Variants in MTOR observed in about 807,000 individuals in gnomAD.
MTOR encodes the protein serine/threonine-protein kinase mTOR.
In MTOR, 70 loss-of-function variants were observed where a neutral mutation model predicts 319.8. The ratio of observed to expected loss-of-function variants is 0.22; its 90% CI spans 0.18 to 0.27. The LOEUF (loss-of-function observed/expected upper bound fraction) is 0.27, where lower values mean the gene tolerates loss of function less well. Among genes scored for constraint, MTOR ranks in the 10% least tolerant of loss-of-function variants. The probability of loss-of-function intolerance (pLI) is 1.00; values close to 1 mark genes in which losing one functional copy is unlikely to be tolerated. For missense variants in MTOR, 1,890 were observed against 3,274.4 expected (o/e 0.58, Z 10.32); for synonymous variants, 1,183 against 1,211.4 (o/e 0.98, Z 0.49).
chr1:11,146,889 G>T, intron 31 of MTOR, 98 bp from the exon 32 acceptor site: 1 of 820,712 alleles, frequency 1.2e-6, no homozygotes, highest in Non-Finnish European at 2.1e-6. Context: ...TTTTCCTTTA[G>T]CTTGGGATAT....
intron 19 of MTOR, among the ~76,000 whole-genome samples, chr1:11,216,623 T>G (rs1646479165): frequency 6.9e-6 from 1 of 144,168 alleles, no homozygotes. Context: ...CTCTACAGAG[T>G]GCAGGGTGAC....
rs150146024 is a variant in MTOR at position 11,248,003 on chromosome 1, C to T, written c.932G>A (p.Arg311His). ...KDLMGFGTKP[R>H]HITPFTSFQA... ...GAAACTGGTGAAGGGGGTAATGTGA[C>T]GAGGTTTTGTTCCGAAGCCCATGAG... The change falls in exon 7 of 58, where the codon CGT (arginine) becomes CAT (histidine). Residue 311 changes from arginine (R) to histidine (H), a missense_variant. Around this residue, in one of 15 missense-constraint regions of MTOR, gnomAD observed 418 missense variants for 543.1 expected, o/e 0.77. Transcript: ENST00000361445. 4 of 1,614,118 alleles carry T rather than the reference C, an allele frequency of 2.5e-6. No individual in the cohort carries two copies. In the South Asian group the frequency reaches 3.3e-5, roughly 13 times the overall value.
In MTOR at chr1:11,121,724, T is replaced by C. The variant is rs1415951682; in HGVS notation, c.6810+255A>G. Among the ~76,000 whole-genome samples the C allele has an allele frequency of 6.6e-6, 1 of 152,236 alleles. No individual in the cohort carries two copies. The highest frequency in any genetic ancestry group is 1.5e-5 in the Non-Finnish European group (1 of 68,040). ...CCATATGGCCAGTGCTTTGTATACA[T>C]TAGTAAATATATGGTGCCGAATATT... On this transcript the variant is annotated intron_variant, in intron 48 of 57. Coordinates refer to ENST00000361445, the MANE Select transcript of MTOR (RefSeq NM_004958.4). The surrounding 1 kb of genome is among the most constrained non-coding windows in gnomAD (Gnocchi z 4.9).
intron 34 of MTOR, among the ~76,000 whole-genome samples, chr1:11,141,685 TAA>T (rs1300725496): frequency 3.0e-5 from 4 of 132,994 alleles, no homozygotes; most frequent in Admixed American, 1.5e-4. Flanking sequence ...TCTTTATAAT[TAA>T]AAAAAAAAAA....
At chr1:11,219,178 C>A (rs143754961) in intron 19 of MTOR, among the ~76,000 whole-genome samples, 1 of 151,338 alleles carries the variant, frequency 6.6e-6, no homozygotes, top group African/African-American at 2.4e-5. Flanking sequence ...CATGTCACTG[C>A]GCTCCAGCCT....
chr1:11,126,013 C>T (rs545227358), intron 46 of MTOR, among the ~76,000 whole-genome samples: 49 of 145,618 alleles, frequency 3.4e-4, no homozygotes, highest in Non-Finnish European at 6.6e-4. Flanking sequence ...TATACTCCAG[C>T]CTGGGCAACA....
rs746679087 is a variant in MTOR, at chr1:11,230,915, C to A, written c.2779+10G>T. ...ACTTGGCAAGTCTTTCATGGCTACC[C>A]CCAACTTACAGGAATCCTGACTTGA... On this transcript the variant is annotated intron_variant, in intron 18 of 57. Transcript: ENST00000361445. The A allele has an allele frequency of 3.1e-6, 5 of 1,613,372 alleles. No individual in the cohort carries two copies.
chr1:11,207,969 T>C (rs760710640), intron 25 of MTOR, among the ~76,000 whole-genome samples: 12 of 152,186 alleles, frequency 7.9e-5, no homozygotes, highest in African/African-American at 1.7e-4. Flanking sequence ...CAAAACTTCC[T>C]GGAAGCAAAC....
At chr1:11,213,593 C>A in intron 20 of MTOR, 27 bp from the exon 21 acceptor site, 2 of 1,607,868 alleles carry the variant, frequency 1.2e-6, no homozygotes, top group Non-Finnish European at 1.7e-6. Context: ...GTCAGAGGAG[C>A]TGAGTCAGGT....
chr1:11,149,605 G>A (rs1355140004), intron 31 of MTOR: 3 of 153,010 alleles, frequency 2.0e-5, no homozygotes, highest in African/African-American at 4.8e-5. Context: ...ACCTGAGGAG[G>A]AGGGTTATGG....
rs146049556 is a variant in MTOR at position 11,238,521 on chromosome 1, C to T, written c.1883G>A (p.Arg628His). ...IRMEAARTCS[R>H]LLTPSIHLIS... ...GAGGTGGATGGAGGGTGTGAGCAGG[C>T]GGGAGCAGGTGCGGGCAGCCTCCAT... The change falls in exon 12 of 58, where the codon CGC becomes CAC. Residue 628 changes from arginine (R) to histidine (H), a missense_variant. Physicochemically the swap from Arg to His is conservative, Grantham distance 29 (BLOSUM62 0). This residue lies in a region of MTOR where 418 missense variants were observed against 543.1 expected (regional missense o/e 0.77). Coordinates refer to ENST00000361445, the MANE Select transcript of MTOR (RefSeq NM_004958.4). The T allele has an allele frequency of 4.3e-6, 7 of 1,614,028 alleles. No homozygotes were observed. The highest frequency in any genetic ancestry group is 1.3e-5 in the African/African-American group (1 of 74,926).
intron 19 of MTOR, chr1:11,226,297 GAGA>G (rs1354487229): frequency 6.6e-6 from 1 of 152,042 alleles, no homozygotes; most frequent in African/African-American, 2.4e-5. Flanking sequence ...GAACAATCTA[GAGA>G]AGATTAGCAT....
Position 11,167,463 on chromosome 1 carries a change from G to C in MTOR, c.4308C>G (p.Ala1436=). Reference sequence around the variant, plus strand: ...TTACCAGCTCTCCAAAGTGTTTCATGGCATATTCTAACACTCCGGCCGCTG... The same window carrying C: ...TTACCAGCTCTCCAAAGTGTTTCATCGCATATTCTAACACTCCGGCCGCTG... The part of the protein sequence containing the change: ...PEAAAGVLEY[A]MKHFGELEIQ... The change falls in exon 29 of 58, where the codon GCC becomes GCG. Residue 1436 remains alanine (A), a synonymous_variant. Transcript: ENST00000361445. The C allele has an allele frequency of 6.2e-7, 1 of 1,613,452 alleles. No individual in the cohort carries two copies. Among genetic ancestry groups the C allele is most frequent in the Non-Finnish European group, 8.5e-7 (1 of 1,179,716 alleles).
chr1:11,234,136 G>T lies in MTOR; in HGVS notation c.2331+7C>A. 6.2e-7 allele frequency: 1 copy of T among 1,614,166 alleles called. No homozygotes were observed. On this transcript the variant is annotated splice_region_variant and intron_variant, in intron 14 of 57. Transcript: ENST00000361445. ...AGAGAAAGCACCAGCCTCTCGGTTT[G>T]TGTTACCTTCAGAATAGGCTCCATG...
intron 28 of MTOR, among the ~76,000 whole-genome samples, chr1:11,196,336 T>C (rs1645782759): frequency 6.6e-6 from 1 of 152,126 alleles, no homozygotes; most frequent in African/African-American, 2.4e-5. Context: ...AACCACTCAA[T>C]CCTCTGTCCC....
At position 11,122,204 on chromosome 1, in the gene MTOR, G is replaced by GT. The variant is rs377227945; in HGVS notation, c.6663-79dup. On this transcript the variant is annotated intron_variant, in intron 47 of 57. Coordinates refer to ENST00000361445, the MANE Select transcript of MTOR (RefSeq NM_004958.4). ...GAGCAGCTCAGAACACAGGCAGACT[G>GT]TTTTTTTTTTCTTTTTTGAGACAGA... The GT allele has an allele frequency of 0.043, 54,101 of 1,267,322 alleles. 344 individuals are homozygous for GT. The highest frequency in any genetic ancestry group is 0.13 in the African/African-American group (8,592 of 67,698). The allele number at this position is 1,267,322 out of a possible 1,614,324, so 78.5% of individuals were successfully genotyped here.
At chr1:11,113,039 A>G (rs916385667) in intron 53 of MTOR, 122 bp from the exon 54 acceptor site, 25 of 998,262 alleles carry the variant, frequency 2.5e-5, no homozygotes, top group Non-Finnish European at 3.6e-5. Context: ...AAAAAAAGAG[A>G]TGACAGACAT....
chr1:11,227,146 A>G (rs1646866417), intron 19 of MTOR, among the ~76,000 whole-genome samples: 1 of 151,490 alleles, frequency 6.6e-6, no homozygotes, highest in Non-Finnish European at 1.5e-5. Flanking sequence ...AAAAATACAA[A>G]AATTAGCCGG....
chr1:11,200,881 G>T (rs889233704), intron 26 of MTOR, among the ~76,000 whole-genome samples: 1 of 152,016 alleles, frequency 6.6e-6, no homozygotes, highest in Non-Finnish European at 1.5e-5. Flanking sequence ...CGGGCGCGGT[G>T]GTGGTGGCCT....
Sources: allele counts gnomAD v4.1 joint callset (sites outside exome capture counted in the v4.1 genomes callset), GRCh38; gene constraint gnomAD v4.1.1; regional missense constraint gnomAD v4.1.1; non-coding constraint Gnocchi (gnomAD v3.1); transcripts MANE v1.5; gene names NCBI Gene and HGNC (gene_info 2026-07-23, HGNC 2026-07-21).